The following CLEC16A variants were observed in gnomAD, a reference collection of about 807,000 sequenced individuals.
CLEC16A encodes the protein protein CLEC16A.
In CLEC16A, 51 loss-of-function variants were observed where a neutral mutation model predicts 109.5. The observed-to-expected ratio is 0.47, with a 90% CI of 0.37 to 0.59. CLEC16A has a LOEUF of 0.59. CLEC16A is among the 20% of genes least tolerant of loss of function. The pLI is 0.00. For missense variants in CLEC16A, 1,339 were observed against 1,394.0 expected (o/e 0.96, Z 0.63); for synonymous variants, 673 against 564.2 (o/e 1.19, Z -2.73).
At chr16:10,967,214 C>T (rs1055147087) in intron 3 of CLEC16A, among the ~76,000 whole-genome samples, 2 of 152,192 alleles carry the variant, frequency 1.3e-5, no homozygotes, top group African/African-American at 4.8e-5. Flanking sequence ...CACACTGTGG[C>T]TTCCATCACG....
At chr16:10,948,299 G>A (rs2041537651) in intron 1 of CLEC16A, among the ~76,000 whole-genome samples, 1 of 152,192 alleles carries the variant, frequency 6.6e-6, no homozygotes, top group Non-Finnish European at 1.5e-5. Context: ...AACACTCCCA[G>A]CTTGCAAACT....
At chr16:11,142,985 A>G (rs887658127) in intron 22 of CLEC16A, among the ~76,000 whole-genome samples, 53 of 152,068 alleles carry the variant, frequency 3.5e-4, no homozygotes, top group Non-Finnish European at 1.6e-4. Context: ...TAATTTTTGT[A>G]TTTTTAGTAG....
chr16:11,004,243 C>G (rs2152755956), intron 11 of CLEC16A, among the ~76,000 whole-genome samples: 1 of 152,292 alleles, frequency 6.6e-6, no homozygotes, highest in East Asian at 1.9e-4. Context: ...CAGAATGGAA[C>G]TGCCCTATTG....
intron 19 of CLEC16A, among the ~76,000 whole-genome samples, chr16:11,092,188 C>T (rs151094542): frequency 1.3e-3 from 199 of 152,056 alleles, no homozygotes; most frequent in Non-Finnish European, 2.5e-3. Context: ...TCTACAAAAA[C>T]GAAAAACTAG....
intron 19 of CLEC16A, among the ~76,000 whole-genome samples, chr16:11,108,255 A>C (rs1039695683): frequency 2.0e-5 from 3 of 152,264 alleles, no homozygotes; most frequent in East Asian, 3.8e-4. Context: ...CCTGCATGCC[A>C]GGAAGAGAAA....
chr16:10,964,120 G>C (rs897016522), intron 3 of CLEC16A, among the ~76,000 whole-genome samples: 2 of 152,238 alleles, frequency 1.3e-5, no homozygotes, highest in African/African-American at 4.8e-5. Flanking sequence ...GGCAGAAAGA[G>C]GTAGAGATGG....
intron 4 of CLEC16A, among the ~76,000 whole-genome samples, chr16:10,970,383 A>C (rs988872342): frequency 6.6e-6 from 1 of 152,200 alleles, no homozygotes; most frequent in Admixed American, 6.5e-5. Context: ...CTTAGGTGTC[A>C]GGTGCTGGGA....
intron 19 of CLEC16A, among the ~76,000 whole-genome samples, chr16:11,120,032 C>T (rs1422020127): frequency 5.3e-5 from 8 of 152,068 alleles, no homozygotes; most frequent in South Asian, 2.1e-4. Context: ...GTGCAGAGCG[C>T]GATCTTGGCT....
At position 10,979,379 on chromosome 16, in the gene CLEC16A, A is replaced by T. The variant is rs757381242; in HGVS notation, c.954A>T (p.Ser318=). The T allele has an allele frequency of 3.1e-6, 5 of 1,612,878 alleles. No individual in the cohort carries two copies. The East Asian group carries it at 1.1e-4, about 36-fold the overall frequency. Residue 318 remains serine (S), a synonymous_variant, in exon 9 of 24, where the codon TCA becomes TCT. Transcript: ENST00000409790. ...TGCCGGTGTCTCTTTATCTTCTGTC[A>T]CAGGTATGCTTGATCATTCACCAAT... ...ISLPVSLYLL[S]QVFLIIHHAP... is the part of the protein sequence containing the mutation.
chr16:11,120,796 T>C (rs750891606), intron 20 of CLEC16A, 30 bp downstream of exon 20: 1 of 1,470,812 alleles, frequency 6.8e-7, no homozygotes, highest in South Asian at 1.4e-5. Flanking sequence ...TGGGATCTGT[T>C]CTCAGTTGGC....
rs185737438 is a variant in CLEC16A at position 11,020,745 on chromosome 16, G to A, written c.1436+420G>A. Among the ~76,000 whole-genome samples the A allele has an allele frequency of 1.5e-4, 23 of 152,366 alleles. 1 individual carries two copies. The East Asian group carries it at 3.9e-3, about 26-fold the overall frequency. On this transcript the variant is annotated intron_variant, in intron 12 of 23. Transcript: ENST00000409790. ...CACAAACACATACCCCATCTATAGG[G>A]CCTGCCCTCTTGACTTGGCCACATG...
chr16:11,181,240 G>A lies in CLEC16A; in HGVS notation c.*2550G>A, dbSNP rs2068947181. On this transcript the variant is annotated 3_prime_UTR_variant, in exon 24 of 24. Transcript: ENST00000409790. ...TCAGGAGCTCCCGTCAAACCTCATA[G>A]CTGGGGCGCTCCCAGACAGGCCAGT... The A allele has an allele frequency of 6.6e-6, 1 of 152,322 alleles. No homozygotes were observed. Among genetic ancestry groups the A allele is most frequent in the Non-Finnish European group, 1.5e-5 (1 of 68,114 alleles). The allele number at this position is 152,322 out of a possible 1,614,324, so 9.4% of individuals were successfully genotyped here.
chr16:11,096,205 T>A (rs1597371946), intron 19 of CLEC16A, among the ~76,000 whole-genome samples: 1 of 150,518 alleles, frequency 6.6e-6, no homozygotes, highest in Non-Finnish European at 1.5e-5. Flanking sequence ...TGTAGCTGGG[T>A]GTTGTGGTAT....
chr16:11,003,392 C>T, intron 11 of CLEC16A, 87 bp downstream of exon 11: 1 of 997,480 alleles, frequency 1.0e-6, no homozygotes, highest in South Asian at 1.5e-5. Context: ...TCCACCCAGA[C>T]TTCTGCTCCC....
Position 11,174,800 on chromosome 16 carries a change from G to A in CLEC16A, c.2807-3535G>A. 6.6e-6 allele frequency among the ~76,000 whole-genome samples: 1 copy of A among 152,246 alleles called. No individual in the cohort carries two copies. On this transcript the variant is annotated intron_variant, in intron 23 of 23. Transcript: ENST00000409790. The surrounding 1 kb of genome is among the most constrained non-coding windows in gnomAD (Gnocchi z 4.7). ...GTCCTGTTTTGACCGGAAGCCAAGA[G>A]CCATTTCCCTCATAGACACATGGAT...
At chr16:11,165,995 T>C (rs1413882645) in intron 22 of CLEC16A, among the ~76,000 whole-genome samples, 2 of 152,148 alleles carry the variant, frequency 1.3e-5, no homozygotes, top group South Asian at 4.1e-4. Flanking sequence ...TGCCCTTCCT[T>C]GGACACCATC....
At chr16:10,948,822 T>C (rs536460015) in intron 1 of CLEC16A, among the ~76,000 whole-genome samples, 1 of 152,210 alleles carries the variant, frequency 6.6e-6, no homozygotes, top group Non-Finnish European at 1.5e-5. Context: ...TTTTTCCTGT[T>C]GGTGTCATTT....
At chr16:11,027,641 G>A (rs2046488196) in intron 13 of CLEC16A, 1 of 1,553,094 alleles carries the variant, frequency 6.4e-7, no homozygotes, top group Middle Eastern at 2.3e-4. Flanking sequence ...CATGGTTCTT[G>A]CGCCCTTTCC....
At chr16:11,048,476 T>C (rs1412272383) in intron 17 of CLEC16A, 2 of 152,222 alleles carry the variant, frequency 1.3e-5, no homozygotes, top group African/African-American at 4.8e-5. Flanking sequence ...ATGTGTGATT[T>C]GGGAAGTTTA....
Sources: gnomAD v4.1 joint callset for allele counts (sites outside exome capture counted in the v4.1 genomes callset) on GRCh38, gnomAD v4.1.1 for gene constraint, Gnocchi (gnomAD v3.1) non-coding constraint, MANE v1.5 for transcripts, NCBI Gene and HGNC (gene_info 2026-07-23, HGNC 2026-07-21) for gene names.